Variants in UGT1A6 observed in about 807,000 individuals in gnomAD.
The protein encoded by UGT1A6 is UDP-glucuronosyltransferase 1A6.
Under a neutral mutation model 44.4 loss-of-function variants are expected in UGT1A6, and 32 were observed. That is an observed-to-expected ratio of 0.72 (90% confidence interval 0.54 to 0.97). The LOEUF is 0.97. Ranked by LOEUF, UGT1A6 falls within the 50% of genes least tolerant of loss-of-function variation. UGT1A6 has a pLI of 0.00. For missense variants in UGT1A6, 685 were observed against 661.9 expected (o/e 1.03, Z -0.38); for synonymous variants, 238 against 248.5 (o/e 0.96, Z 0.40).
intron 1 of UGT1A6, among the ~76,000 whole-genome samples, chr2:233,709,774 A>G (rs183310519): frequency 6.6e-6 from 1 of 152,330 alleles, no homozygotes; most frequent in East Asian, 1.9e-4. Context: ...TTTACATGCA[A>G]TAAAGTGCAC....
upstream of UGT1A6, chr2:233,691,797 T>C (rs965810933): frequency 4.5e-6 from 1 of 224,276 alleles, no homozygotes; most frequent in Admixed American, 6.5e-5. Context: ...AGACTTATAC[T>C]TCTCAAATCT....
intron 1 of UGT1A6, chr2:233,761,219 T>C: frequency 6.2e-7 from 1 of 1,613,544 alleles, no homozygotes; most frequent in South Asian, 1.1e-5. Flanking sequence ...ATCGATTAAC[T>C]AGCCCCAGAT....
chr2:233,710,730 G>T (rs192565787), intron 1 of UGT1A6, among the ~76,000 whole-genome samples: 1 of 152,102 alleles, frequency 6.6e-6, no homozygotes, highest in Non-Finnish European at 1.5e-5. Flanking sequence ...AAAAAACAAC[G>T]TCTTTCAAGG....
rs994298046 is a variant in UGT1A6 at position 233,760,365 on chromosome 2, T to C, written c.862-6669T>C. On this transcript the variant is annotated intron_variant, in intron 1 of 4. Transcript: ENST00000305139. Reference sequence around the variant, plus strand: ...GTGTGCTGGGCCCAGTGGTGTCCCATGCTGGGAAGATACTGTTGATCCCAG... The same window carrying C: ...GTGTGCTGGGCCCAGTGGTGTCCCACGCTGGGAAGATACTGTTGATCCCAG... 21 of 1,614,004 alleles carry C rather than the reference T, an allele frequency of 1.3e-5. No individual in the cohort carries two copies. Among genetic ancestry groups the C allele is most frequent in the Non-Finnish European group, 1.7e-5 (20 of 1,180,006 alleles).
In UGT1A6 at chr2:233,693,776, G is replaced by A; in HGVS notation, c.772G>A (p.Asp258Asn). Reference protein sequence around the residue: ...QKVSVWLLRYDFVLEYPRPVM... With the variant: ...QKVSVWLLRYNFVLEYPRPVM... ...GGTCTCTGTTTGGCTGTTAAGATATGACTTTGTGCTTGAATATCCTAGGCC... is the reference window on the plus strand; with the variant it reads ...GGTCTCTGTTTGGCTGTTAAGATATAACTTTGTGCTTGAATATCCTAGGCC... Residue 258 changes from aspartate to asparagine, a missense_variant, in exon 1 of 5, where the codon GAC becomes AAC. By Grantham distance (23) the Asp-to-Asn change is conservative. Coordinates refer to ENST00000305139, the MANE Select transcript of UGT1A6 (RefSeq NM_001072.4). The A allele has an allele frequency of 6.2e-7, 1 of 1,614,238 alleles. No individual in the cohort carries two copies. Among genetic ancestry groups the A allele is most frequent in the Non-Finnish European group, 8.5e-7 (1 of 1,180,044 alleles).
intron 1 of UGT1A6, chr2:233,752,621 T>G (rs1428833052): frequency 6.6e-6 from 1 of 152,162 alleles, no homozygotes; most frequent in African/African-American, 2.4e-5. Flanking sequence ...TAGCTAGGTG[T>G]GGTAGCTGTT....
At chr2:233,691,780 A>G (rs1456285892), upstream of UGT1A6, 7 of 283,208 alleles carry the variant, frequency 2.5e-5, no homozygotes, top group Non-Finnish European at 3.7e-5. Context: ...CTCACCACGT[A>G]CTGGCTAGAC....
At chr2:233,753,038 T>C (rs1254734461) in intron 1 of UGT1A6, among the ~76,000 whole-genome samples, 1 of 152,162 alleles carries the variant, frequency 6.6e-6, no homozygotes, top group Non-Finnish European at 1.5e-5. Flanking sequence ...AAAACTACCA[T>C]GAAACTGTTC....
intron 1 of UGT1A6, among the ~76,000 whole-genome samples, chr2:233,757,936 C>A (rs1430982400): frequency 6.6e-6 from 1 of 152,072 alleles, no homozygotes; most frequent in African/African-American, 2.4e-5. Context: ...AAAGCAAGAC[C>A]ATCATATTGC....
rs766281304 is a variant in UGT1A6 at position 233,769,518 on chromosome 2, T to C, written c.1301+1079T>C. On this transcript the variant is annotated intron_variant, in intron 4 of 4. Coordinates refer to ENST00000305139, the MANE Select transcript of UGT1A6 (RefSeq NM_001072.4). This position sits in a 1 kb window ranked among gnomAD's most constrained non-coding sequence, Gnocchi z 4.4. ...GAGTGTCCATTGCTTTCTCCCATGG[T>C]TACCTCCTTTAGAAAGAAGCAGCAG... The C allele has an allele frequency of 1.2e-6, 2 of 1,612,876 alleles. No homozygotes were observed. Among genetic ancestry groups the C allele is most frequent in the South Asian group, 2.2e-5 (2 of 91,072 alleles).
intron 1 of UGT1A6, 23 bp downstream of exon 1, chr2:233,693,888 G>A (rs745978624): frequency 6.2e-7 from 1 of 1,613,982 alleles, no homozygotes; most frequent in South Asian, 1.1e-5. Flanking sequence ...ATTTCTTTTG[G>A]ACTGCCTTGT....
At chr2:233,715,263 C>T (rs1313325052) in intron 1 of UGT1A6, among the ~76,000 whole-genome samples, 2 of 152,196 alleles carry the variant, frequency 1.3e-5, no homozygotes, top group Non-Finnish European at 2.9e-5. Context: ...AATCCCCTTA[C>T]ATAACAAATT....
chr2:233,716,819 C>A (rs1378965211), intron 1 of UGT1A6, among the ~76,000 whole-genome samples: 1 of 152,146 alleles, frequency 6.6e-6, no homozygotes, highest in Non-Finnish European at 1.5e-5. Flanking sequence ...GCTGGGGTGA[C>A]CTCACTGACA....
chr2:233,697,431 T>C (rs2075390196), intron 1 of UGT1A6, among the ~76,000 whole-genome samples: 1 of 152,048 alleles, frequency 6.6e-6, no homozygotes, highest in African/African-American at 2.4e-5. Flanking sequence ...TGTTTCCTTT[T>C]TCATTTCTGA....
At chr2:233,749,725 C>T in intron 1 of UGT1A6, among the ~76,000 whole-genome samples, 1 of 151,866 alleles carries the variant, frequency 6.6e-6, no homozygotes, top group East Asian at 1.9e-4. Flanking sequence ...GGCAGTTTCG[C>T]ACCTGCTGGT....
At chr2:233,716,194 A>G (rs945930665) in intron 1 of UGT1A6, among the ~76,000 whole-genome samples, 4 of 152,112 alleles carry the variant, frequency 2.6e-5, no homozygotes, top group Non-Finnish European at 4.4e-5. Flanking sequence ...TAATTCTTAC[A>G]TCTGTCTCTT....
At chr2:233,699,478 A>G (rs146096566) in intron 1 of UGT1A6, among the ~76,000 whole-genome samples, 192 of 152,320 alleles carry the variant, frequency 1.3e-3, no homozygotes, top group Non-Finnish European at 2.0e-3. Flanking sequence ...AGTAAATCCT[A>G]GTCTCTTCTA....
chr2:233,744,019 G>T, intron 1 of UGT1A6: 1 of 997,712 alleles, frequency 1.0e-6, no homozygotes. Flanking sequence ...GCCGCCTGGA[G>T]AGACGCCCCT....
intron 1 of UGT1A6, chr2:233,747,538 CATTTTCTAAAAGTATGGCAATTT>C (rs1393766304): frequency 6.2e-7 from 1 of 1,604,248 alleles, no homozygotes; most frequent in East Asian, 2.2e-5. Flanking sequence ...TTTCTGAAGA[CATTTTCTAAAAGTATGGCAATTT>C]TGAAAAATTC....
Sources: gnomAD v4.1 joint callset for allele counts (sites outside exome capture counted in the v4.1 genomes callset) on GRCh38, gnomAD v4.1.1 for gene constraint, Gnocchi (gnomAD v3.1) non-coding constraint, MANE v1.5 for transcripts, NCBI Gene and HGNC (gene_info 2026-07-23, HGNC 2026-07-21) for gene names.